The following CLEC16A variants were observed in gnomAD, a reference collection of about 807,000 sequenced individuals.
The protein encoded by CLEC16A is protein CLEC16A.
CLEC16A carries 51 observed loss-of-function variants against 109.5 expected under a neutral mutation model. The observed-to-expected ratio is 0.47, with a 90% CI of 0.37 to 0.59. The LOEUF is 0.59. CLEC16A is among the 20% of genes least tolerant of loss of function. The pLI, the probability that CLEC16A is intolerant of heterozygous loss-of-function variation, is 0.00. For missense variants in CLEC16A, 1,339 were observed against 1,394.0 expected, an observed-to-expected ratio of 0.96 and a Z score of 0.63; for synonymous variants, 673 against 564.2, an observed-to-expected ratio of 1.19 and a Z score of -2.73.
rs200370446 is a variant in CLEC16A, at chr16:11,047,286, T to C, written c.1816-6T>C. ...TCTCCTCTTCCCTCCCTTCCTTTCTTTTTAGGGAGAAGACATTTTTTTGGA... is the reference window on the plus strand; with the variant it reads ...TCTCCTCTTCCCTCCCTTCCTTTCTCTTTAGGGAGAAGACATTTTTTTGGA... On this transcript the variant is annotated splice_region_variant and splice_polypyrimidine_tract_variant and intron_variant, in intron 16 of 23. Coordinates refer to ENST00000409790, the MANE Select transcript of CLEC16A (RefSeq NM_015226.3). 3.1e-6 allele frequency: 5 copies of C among 1,607,884 alleles called. No individual in the cohort carries two copies. The South Asian group carries it at 5.5e-5, about 18-fold the overall frequency.
chr16:11,019,506 C>T (rs1380322490), intron 11 of CLEC16A, among the ~76,000 whole-genome samples: 3 of 152,198 alleles, frequency 2.0e-5, no homozygotes, highest in Non-Finnish European at 2.9e-5. Flanking sequence ...TGGTGGCTGA[C>T]GCCTGTAATC....
rs2052607404 is a variant in CLEC16A, at chr16:11,123,835, A to G, written c.2362A>G (p.Ile788Val). 6.2e-7 allele frequency: 1 copy of G among 1,613,940 alleles called. No individual in the cohort carries two copies. The highest frequency in any genetic ancestry group is 8.5e-7 in the Non-Finnish European group (1 of 1,179,870). Reference protein sequence around the residue: ...ASSPHSKPFPILQATFIFSDH... With the variant: ...ASSPHSKPFPVLQATFIFSDH... ...CAGCCCCCATTCCAAGCCCTTCCCC[A>G]TCCTCCAGGCCACCTTCATCTTCTC... is the stretch of plus-strand genomic sequence containing the variant. Residue 788 changes from isoleucine to valine, a missense_variant, in exon 21 of 24, where the codon ATC becomes GTC. Ile to Val is a conservative substitution (Grantham distance 29). This residue lies in a region of CLEC16A where 1,061 missense variants were observed against 1,006.8 expected (regional missense o/e 1.05). Transcript: ENST00000409790.
chr16:11,089,198 AAATG>A (rs2050173141), intron 19 of CLEC16A, among the ~76,000 whole-genome samples: 1 of 152,204 alleles, frequency 6.6e-6, no homozygotes, highest in African/African-American at 2.4e-5. Flanking sequence ...AATTTTTACT[AAATG>A]AATGACAGTA....
At chr16:11,116,628 C>T (rs1191497420) in intron 19 of CLEC16A, among the ~76,000 whole-genome samples, 6 of 151,846 alleles carry the variant, frequency 4.0e-5, no homozygotes, top group Non-Finnish European at 7.4e-5. Context: ...GGGGGTTACC[C>T]GAGAAAGGAA....
At chr16:10,960,838 C>G (rs1268597012) in intron 2 of CLEC16A, among the ~76,000 whole-genome samples, 3 of 152,184 alleles carry the variant, frequency 2.0e-5, no homozygotes, top group East Asian at 1.9e-4. Flanking sequence ...TTTTATTGCT[C>G]AAGTTGTTTC....
intron 14 of CLEC16A, chr16:11,040,843 T>A (rs1232069297): frequency 6.6e-6 from 1 of 152,164 alleles, no homozygotes; most frequent in Non-Finnish European, 1.5e-5. Flanking sequence ...GATCCCCTTT[T>A]CTCACTTATT....
At chr16:11,021,702 G>A (rs979779521) in intron 12 of CLEC16A, among the ~76,000 whole-genome samples, 1 of 152,176 alleles carries the variant, frequency 6.6e-6, no homozygotes, top group Non-Finnish European at 1.5e-5. Context: ...AGAGGCTGAG[G>A]TGGGAGATTG....
rs1330876249 is a variant in CLEC16A, at chr16:11,095,789, G to C, written c.2117-24826G>C. Among the ~76,000 whole-genome samples the C allele has an allele frequency of 2.0e-5, 3 of 149,094 alleles. No homozygotes were observed. The East Asian group carries it at 5.9e-4, about 29-fold the overall frequency. On this transcript the variant is annotated intron_variant, in intron 19 of 23. Transcript: ENST00000409790. The stretch of plus-strand genomic sequence containing the variant: ...ATCGTACCGCTGCACTCCACCCTGG[G>C]TGACATAGCAAAACTCTGTCTCAAA...
intron 22 of CLEC16A, among the ~76,000 whole-genome samples, chr16:11,158,380 G>A (rs1338214883): frequency 6.6e-6 from 1 of 152,146 alleles, no homozygotes; most frequent in Non-Finnish European, 1.5e-5. Context: ...AGCCCTCAGC[G>A]GGTTTTATAT....
intron 20 of CLEC16A, among the ~76,000 whole-genome samples, chr16:11,123,137 C>T (rs1439909893): frequency 1.3e-5 from 2 of 152,046 alleles, no homozygotes; most frequent in Non-Finnish European, 2.9e-5. Context: ...CTCCTGACCT[C>T]GTGTTCCACC....
At chr16:11,025,140 A>G (rs1300951711) in intron 13 of CLEC16A, among the ~76,000 whole-genome samples, 1 of 152,162 alleles carries the variant, frequency 6.6e-6, no homozygotes, top group African/African-American at 2.4e-5. Flanking sequence ...TTGGTTACTC[A>G]GGCAATATGG....
At chr16:11,106,829 T>A (rs2051251999) in intron 19 of CLEC16A, among the ~76,000 whole-genome samples, 1 of 152,226 alleles carries the variant, frequency 6.6e-6, no homozygotes. Flanking sequence ...ATGAGACAAC[T>A]GAAGCAAAGT....
At position 11,005,533 on chromosome 16, in the gene CLEC16A, A is replaced by G. The variant is rs530112362; in HGVS notation, c.1303+2228A>G. Among the ~76,000 whole-genome samples, 17 of 152,322 alleles carry G rather than the reference A, an allele frequency of 1.1e-4. No individual in the cohort carries two copies. The South Asian group carries it at 3.3e-3, about 30-fold the overall frequency. On this transcript the variant is annotated intron_variant, in intron 11 of 23. Coordinates refer to ENST00000409790, the MANE Select transcript of CLEC16A (RefSeq NM_015226.3). ...TTTCTTGAGCACATTAGTCATTTCA[A>G]AATATGATGGATCTGTCATTTTGTC...
At chr16:11,131,727 A>G (rs72771811) in intron 22 of CLEC16A, among the ~76,000 whole-genome samples, 10,598 of 151,738 alleles carry the variant, frequency 0.07, 491 homozygotes, top group South Asian at 0.14. Context: ...CTCTCCTTAA[A>G]ACCCACCAGC....
At chr16:11,129,682 G>T (rs1392355448) in intron 22 of CLEC16A, among the ~76,000 whole-genome samples, 6 of 151,952 alleles carry the variant, frequency 3.9e-5, no homozygotes, top group Non-Finnish European at 8.8e-5. Flanking sequence ...GGCTTAGTTT[G>T]TGTGCCGCCT....
intron 1 of CLEC16A, among the ~76,000 whole-genome samples, chr16:10,945,735 C>T (rs1028637144): frequency 6.6e-6 from 1 of 152,214 alleles, no homozygotes; most frequent in Non-Finnish European, 1.5e-5. Flanking sequence ...TTATTATCAG[C>T]TCAGCGAGGC....
At chr16:11,027,456 C>G (rs1013824644) in intron 13 of CLEC16A, 54 of 1,575,260 alleles carry the variant, frequency 3.4e-5, no homozygotes, top group Non-Finnish European at 4.1e-5. Context: ...ATTTCCAAAT[C>G]TGAAGTCTGT....
At chr16:11,069,474 G>C (rs548498630) in intron 19 of CLEC16A, among the ~76,000 whole-genome samples, 1 of 151,686 alleles carries the variant, frequency 6.6e-6, no homozygotes, top group East Asian at 1.9e-4. Flanking sequence ...TCGCTCTGTC[G>C]TCCAAGCTGG....
At chr16:11,062,522 C>G (rs891431916) in intron 19 of CLEC16A, among the ~76,000 whole-genome samples, 2 of 152,114 alleles carry the variant, frequency 1.3e-5, no homozygotes, top group African/African-American at 4.8e-5. Flanking sequence ...CATGAAATAT[C>G]ACGTGACCAA....
Sources: allele counts gnomAD v4.1 joint callset (sites outside exome capture counted in the v4.1 genomes callset), GRCh38; gene constraint gnomAD v4.1.1; regional missense constraint gnomAD v4.1.1; transcripts MANE v1.5; gene names NCBI Gene and HGNC (gene_info 2026-07-23, HGNC 2026-07-21).